POMT1: variants seen among roughly 807,000 people sequenced by gnomAD.
POMT1 encodes protein O-mannosyl-transferase 1.
Under a neutral mutation model 101.6 loss-of-function variants are expected in POMT1, and 85 were observed. The ratio of observed to expected loss-of-function variants is 0.84; its 90% CI spans 0.70 to 1.00. The LOEUF (loss-of-function observed/expected upper bound fraction) is 1.00. POMT1 is among the 50% of genes least tolerant of loss of function. The pLI is 0.00. For missense variants in POMT1, 857 were observed against 930.4 expected (o/e 0.92, Z 1.03); for synonymous variants, 371 against 383.0 (o/e 0.97, Z 0.37).
In POMT1 at chr9:131,503,725, A is replaced by G. The variant is rs1039659162; in HGVS notation, c.-30-464A>G. On this transcript the variant is annotated intron_variant, in intron 1 of 19. Coordinates refer to ENST00000402686, the MANE Select transcript of POMT1 (RefSeq NM_001077365.2). This position sits in a 1 kb window ranked among gnomAD's most constrained non-coding sequence, Gnocchi z 4.4. ...CCGCTGGGATAGAAGGCAGGGAGGC[A>G]CTGGGGGCAGATGCATCCTTGAGGA... 1.3e-5 allele frequency among the ~76,000 whole-genome samples: 2 copies of G among 152,166 alleles called. No individual in the cohort carries two copies. Among genetic ancestry groups the G allele is most frequent in the Non-Finnish European group, 2.9e-5 (2 of 68,004 alleles).
chr9:131,518,780 G>A, intron 14 of POMT1, 57 bp from the exon 15 acceptor site: 1 of 1,613,358 alleles, frequency 6.2e-7, no homozygotes, highest in South Asian at 1.1e-5. Flanking sequence ...CAACCCAAGT[G>A]GACACGGGAG....
chr9:131,522,793 G>A lies in POMT1; in HGVS notation c.2004-139G>A. On this transcript the variant is annotated intron_variant, in intron 19 of 19. Coordinates refer to ENST00000402686, the MANE Select transcript of POMT1 (RefSeq NM_001077365.2). This position sits in a 1 kb window ranked among gnomAD's most constrained non-coding sequence, Gnocchi z 5.5. ...AGGTGGGAGATGGTCATGGGTGGCA[G>A]GAGACAAGACACAGAAACCTGAAGG... 1 of 937,592 alleles carries A rather than the reference G, an allele frequency of 1.1e-6. No homozygotes were observed. The highest frequency in any genetic ancestry group is 1.6e-6 in the Non-Finnish European group (1 of 607,954). The allele number at this position is 937,592 out of a possible 1,614,324, so 58.1% of individuals were successfully genotyped here. A position where few individuals can be genotyped will look rare whatever the true frequency, so the allele number is the denominator to read the frequency against.
chr9:131,510,539 A>G, intron 9 of POMT1, 124 bp downstream of exon 9: 1 of 1,328,110 alleles, frequency 7.5e-7, no homozygotes, highest in Non-Finnish European at 1.0e-6. Context: ...CCACATCCAT[A>G]TTTCTTTTTT....
At position 131,522,995 on chromosome 9, in the gene POMT1, C is replaced by T. The variant is rs141895982; in HGVS notation, c.2067C>T (p.His689=). ...LVVAWYSSAC[H]VSNTLRPLTY... ...TGGCCTGGTACTCCTCCGCGTGCCA[C>T]GTGTCCAACACGCTGCGCCCACTCA... The change falls in exon 20 of 20, where the codon CAC becomes CAT. Residue 689 remains histidine (H), a synonymous_variant. Coordinates refer to ENST00000402686, the MANE Select transcript of POMT1 (RefSeq NM_001077365.2). The surrounding 1 kb of genome is among the most constrained non-coding windows in gnomAD (Gnocchi z 5.5). 1.6e-5 allele frequency: 26 copies of T among 1,608,196 alleles called. No individual in the cohort carries two copies. Among genetic ancestry groups the T allele is most frequent in the African/African-American group, 1.3e-5 (1 of 74,828 alleles).
At chr9:131,511,312 C>T in intron 9 of POMT1, 25 bp from the exon 10 acceptor site, 2 of 1,598,994 alleles carry the variant, frequency 1.3e-6, no homozygotes, top group Non-Finnish European at 1.7e-6. Context: ...GTCTCTCACT[C>T]ATCAACCTTC....
At chr9:131,504,024 C>T (rs1361487566) in intron 1 of POMT1, among the ~76,000 whole-genome samples, 165 bp from the exon 2 acceptor site, 6 of 152,234 alleles carry the variant, frequency 3.9e-5, no homozygotes, top group Non-Finnish European at 8.8e-5. Flanking sequence ...TAGTGCCCCT[C>T]ACCCCACATG....
At chr9:131,512,353 T>C (rs935164688) in intron 11 of POMT1, among the ~76,000 whole-genome samples, 1 of 152,168 alleles carries the variant, frequency 6.6e-6, no homozygotes, top group Non-Finnish European at 1.5e-5. Context: ...CTGAGAAGTT[T>C]CCAGGCGAGC....
chr9:131,504,150 T>C, intron 1 of POMT1, 39 bp from the exon 2 acceptor site: 1 of 1,611,952 alleles, frequency 6.2e-7, no homozygotes, highest in Admixed American at 1.7e-5. Context: ...TAGCCTCTCG[T>C]GAGCCCTCAT....
chr9:131,504,156 C>G, intron 1 of POMT1, 33 bp from the exon 2 acceptor site: 1 of 1,613,052 alleles, frequency 6.2e-7, no homozygotes, highest in Non-Finnish European at 8.5e-7. Flanking sequence ...CTCGTGAGCC[C>G]TCATGGACCA....
Position 131,518,763 on chromosome 9 carries a change from C to T in POMT1, c.1366-74C>T, listed in dbSNP as rs1212152976. On this transcript the variant is annotated intron_variant, in intron 14 of 19. Transcript: ENST00000402686. ...TGACAGCGTGACCCGGGCAGGGGTTCCCCTTCCAACCCAAGTGGACACGGG... is the reference window on the plus strand; with the variant it reads ...TGACAGCGTGACCCGGGCAGGGGTTTCCCTTCCAACCCAAGTGGACACGGG... 3.1e-6 allele frequency: 5 copies of T among 1,611,030 alleles called. No homozygotes were observed. The African/African-American group carries it at 5.3e-5, about 17-fold the overall frequency.
At chr9:131,512,604 T>TC (rs1224437069) in intron 11 of POMT1, among the ~76,000 whole-genome samples, 1 of 152,102 alleles carries the variant, frequency 6.6e-6, no homozygotes, top group Admixed American at 6.5e-5. Context: ...GTGGGCTTTT[T>TC]CTTTTTTTTC....
intron 10 of POMT1, 126 bp downstream of exon 10, chr9:131,511,593 G>T: frequency 2.3e-6 from 3 of 1,328,944 alleles, no homozygotes; most frequent in Non-Finnish European, 3.1e-6. Flanking sequence ...TGAGCAGCCC[G>T]GGTGCTGATT....
intron 13 of POMT1, chr9:131,518,082 C>T: frequency 2.7e-6 from 1 of 376,310 alleles, no homozygotes. Flanking sequence ...TCTGAGCTGT[C>T]TGCGAGTCCT....
In POMT1 at chr9:131,522,013, G is replaced by A; in HGVS notation, c.1826-34G>A. 3 of 1,612,956 alleles carry A rather than the reference G, an allele frequency of 1.9e-6. No homozygotes were observed. Among genetic ancestry groups the A allele is most frequent in the Non-Finnish European group, 1.7e-6 (2 of 1,179,964 alleles). ...AGAGAAGACCCGGCCTGTGGGAGCAGCAGAGTCGGTGTAGCTCGAGCCCTT... is the reference window on the plus strand; with the variant it reads ...AGAGAAGACCCGGCCTGTGGGAGCAACAGAGTCGGTGTAGCTCGAGCCCTT... On this transcript the variant is annotated intron_variant, in intron 18 of 19. Coordinates refer to ENST00000402686, the MANE Select transcript of POMT1 (RefSeq NM_001077365.2). The surrounding 1 kb of genome is among the most constrained non-coding windows in gnomAD (Gnocchi z 5.5).
Position 131,512,065 on chromosome 9 carries a change from C to T in POMT1, c.1011C>T (p.Ser337=), listed in dbSNP as rs867685568. The T allele has an allele frequency of 6.2e-7, 1 of 1,614,120 alleles. No individual in the cohort carries two copies. Among genetic ancestry groups the T allele is most frequent in the Non-Finnish European group, 8.5e-7 (1 of 1,180,018 alleles). The part of the protein sequence containing the change: ...PMIYENGRGS[S]HQQQVTCYPF... The stretch of plus-strand genomic sequence containing the variant: ...GATATGAGAACGGCCGAGGCAGCTC[C>T]CACCAGCAACAGGTGACCTGTTACC... Residue 337 remains serine (S), a synonymous_variant, in exon 11 of 20, where the codon TCC becomes TCT. Coordinates refer to ENST00000402686, the MANE Select transcript of POMT1 (RefSeq NM_001077365.2).
intron 2 of POMT1, 84 bp downstream of exon 2, chr9:131,504,424 G>C (rs1003889148): frequency 6.9e-6 from 11 of 1,602,828 alleles, no homozygotes; most frequent in Non-Finnish European, 8.5e-6. Flanking sequence ...GCATAAATGG[G>C]AGAGTGAAAT....
At chr9:131,520,722 C>T (rs552765000) in intron 17 of POMT1, among the ~76,000 whole-genome samples, 1 of 152,390 alleles carries the variant, frequency 6.6e-6, no homozygotes, top group Admixed American at 6.5e-5. Flanking sequence ...ACCCCGAGCT[C>T]TGAGCGCACT....
At chr9:131,512,839 T>A (rs1947419688) in intron 11 of POMT1, among the ~76,000 whole-genome samples, 1 of 152,210 alleles carries the variant, frequency 6.6e-6, no homozygotes, top group African/African-American at 2.4e-5. Context: ...CTTGAACTCC[T>A]GACATCAAGT....
At chr9:131,520,663 G>A (rs185772409) in intron 17 of POMT1, among the ~76,000 whole-genome samples, 189 of 152,294 alleles carry the variant, frequency 1.2e-3, no homozygotes, top group Admixed American at 2.4e-3. Context: ...CGGGTAGGTC[G>A]GCTCAGCATG....
Sources: allele counts gnomAD v4.1 joint callset (sites outside exome capture counted in the v4.1 genomes callset), GRCh38; gene constraint gnomAD v4.1.1; non-coding constraint Gnocchi (gnomAD v3.1); transcripts MANE v1.5; gene names NCBI Gene and HGNC (gene_info 2026-07-23, HGNC 2026-07-21).